PLA1A: variants seen among roughly 807,000 people sequenced by gnomAD.
The protein encoded by PLA1A is phospholipase A1 member A, also known as phosphatidylserine-specific phospholipase A1alpha.
PLA1A carries 47 observed loss-of-function variants against 49.4 expected under a neutral mutation model. The ratio of observed to expected loss-of-function variants is 0.95; its 90% CI spans 0.75 to 1.21. The LOEUF is 1.21. Ranked by LOEUF, PLA1A falls within the 50% of genes most tolerant of loss-of-function variation. The pLI is 0.00. For synonymous variants in PLA1A, 224 were observed against 207.9 expected (o/e 1.08, Z -0.67); for missense variants, 561 against 563.9 (o/e 0.99, Z 0.05).
intron 1 of PLA1A, among the ~76,000 whole-genome samples, chr3:119,602,022 G>T (rs1032694850): frequency 6.6e-6 from 1 of 152,046 alleles, no homozygotes; most frequent in Non-Finnish European, 1.5e-5. Context: ...AAACCTTGCT[G>T]GGCCATGATG....
chr3:119,617,100 C>T (rs2107792142), intron 6 of PLA1A, among the ~76,000 whole-genome samples: 1 of 152,320 alleles, frequency 6.6e-6, no homozygotes, highest in East Asian at 1.9e-4. Context: ...ATACAGCTCA[C>T]CACATACTTC....
At chr3:119,598,254 G>A (rs2082568178) in intron 1 of PLA1A, among the ~76,000 whole-genome samples, 1 of 152,000 alleles carries the variant, frequency 6.6e-6, no homozygotes, top group South Asian at 2.1e-4. Context: ...CACAAGCCAG[G>A]ACCAACTGTA....
rs1281950746 is a variant in PLA1A, at chr3:119,618,232, C to A, written c.922+46C>A. 4 of 1,492,856 alleles carry A rather than the reference C, an allele frequency of 2.7e-6. No individual in the cohort carries two copies. In the East Asian group the frequency reaches 9.3e-5, roughly 35 times the overall value. The allele number at this position is 1,492,856 out of a possible 1,614,324, so 92.5% of individuals were successfully genotyped here. A position where few individuals can be genotyped will look rare whatever the true frequency, so the allele number is the denominator to read the frequency against. ...CTTCCTTTGACAATGTGGGGAAGTT[C>A]AAGCCCTGCTAGTTGTCCCCTCTTA... On this transcript the variant is annotated intron_variant, in intron 7 of 10. Transcript: ENST00000273371.
chr3:119,607,424 T>C (rs2082704211), intron 2 of PLA1A, among the ~76,000 whole-genome samples: 1 of 152,244 alleles, frequency 6.6e-6, no homozygotes, highest in Admixed American at 6.5e-5. Context: ...TTTGTTGTAA[T>C]ATATAGTCAC....
intron 4 of PLA1A, among the ~76,000 whole-genome samples, chr3:119,611,100 C>T (rs1030794065): frequency 6.6e-6 from 1 of 152,118 alleles, no homozygotes; most frequent in African/African-American, 2.4e-5. Context: ...TAATTTTTGT[C>T]AACTTTGTCA....
chr3:119,607,059 G>A (rs1161665193), intron 2 of PLA1A, 84 bp downstream of exon 2: 3 of 1,136,136 alleles, frequency 2.6e-6, no homozygotes, highest in Non-Finnish European at 4.0e-6. Flanking sequence ...GGGCAACAAG[G>A]GGAGGAATGA....
intron 8 of PLA1A, among the ~76,000 whole-genome samples, chr3:119,620,521 G>C (rs1289676290): frequency 6.6e-6 from 1 of 152,166 alleles, no homozygotes; most frequent in Admixed American, 6.6e-5. Context: ...CCAGCTGTGT[G>C]ATCAGGAACA....
At chr3:119,628,933 G>A in intron 10 of PLA1A, 68 bp downstream of exon 10, 1 of 1,254,686 alleles carries the variant, frequency 8.0e-7, no homozygotes. Context: ...GGCATTAGAT[G>A]TGCTGCCTAT....
At chr3:119,622,761 T>G (rs2082961803) in intron 8 of PLA1A, among the ~76,000 whole-genome samples, 1 of 141,094 alleles carries the variant, frequency 7.1e-6, no homozygotes, top group African/African-American at 2.6e-5. Context: ...TGCCACCAGG[T>G]TGCACCTACC....
chr3:119,613,212 C>T, intron 5 of PLA1A, 94 bp downstream of exon 5: 1 of 757,552 alleles, frequency 1.3e-6, no homozygotes. Context: ...GCAGAGATGC[C>T]CTGACCCTCT....
intron 1 of PLA1A, among the ~76,000 whole-genome samples, chr3:119,605,275 CTG>C (rs1267019927): frequency 6.6e-6 from 1 of 152,226 alleles, no homozygotes; most frequent in African/African-American, 2.4e-5. Flanking sequence ...TGGTCTGCCT[CTG>C]CAAGGGGATT....
chr3:119,613,801 G>A (rs974098918), intron 5 of PLA1A, among the ~76,000 whole-genome samples: 7 of 152,108 alleles, frequency 4.6e-5, no homozygotes, highest in Non-Finnish European at 8.8e-5. Context: ...GCTGAGGCAA[G>A]AGAATGGCGT....
At chr3:119,621,277 C>G (rs181562600) in intron 8 of PLA1A, among the ~76,000 whole-genome samples, 1 of 152,328 alleles carries the variant, frequency 6.6e-6, no homozygotes, top group Non-Finnish European at 1.5e-5. Context: ...TTTTCTGACT[C>G]TTTTGTATTT....
rs575541417 is a variant in PLA1A, at chr3:119,629,666, G to A, written c.*198G>A. 1.5e-3 allele frequency: 881 copies of A among 574,062 alleles called. 1 individual carries two copies. The highest frequency in any genetic ancestry group is 2.2e-3 in the Non-Finnish European group (696 of 323,048). 35.6% of individuals were successfully genotyped at this position (574,062 alleles called of 1,614,324 possible). A position where few individuals can be genotyped will look rare whatever the true frequency, so the allele number is the denominator to read the frequency against. On this transcript the variant is annotated 3_prime_UTR_variant, in exon 11 of 11. Transcript: ENST00000273371. ...TTTACAGAACTTGGTTTCCTTTGCC[G>A]ATCTTATGTACATACCCATTTTAGC...
At chr3:119,599,730 G>A (rs890763274) in intron 1 of PLA1A, among the ~76,000 whole-genome samples, 4 of 152,110 alleles carry the variant, frequency 2.6e-5, no homozygotes, top group African/African-American at 9.7e-5. Context: ...TGTTAGCAGG[G>A]CCTGGGTATT....
At chr3:119,606,092 T>C (rs1432783235) in intron 1 of PLA1A, among the ~76,000 whole-genome samples, 1 of 152,240 alleles carries the variant, frequency 6.6e-6, no homozygotes, top group Non-Finnish European at 1.5e-5. Flanking sequence ...GGGTTCTATT[T>C]AGAATTCTCT....
chr3:119,624,579 A>G (rs2082989914), intron 8 of PLA1A, among the ~76,000 whole-genome samples: 1 of 152,202 alleles, frequency 6.6e-6, no homozygotes, highest in South Asian at 2.1e-4. Context: ...AGGCACAGGC[A>G]CTGTCCTGAG....
chr3:119,627,196 C>G (rs929621370), intron 9 of PLA1A, among the ~76,000 whole-genome samples: 2 of 152,118 alleles, frequency 1.3e-5, no homozygotes, highest in African/African-American at 4.8e-5. Context: ...GAAGAAGGCA[C>G]CAGAACATGA....
chr3:119,613,049 G>T lies in PLA1A; in HGVS notation c.595G>T (p.Ala199Ser). The T allele has an allele frequency of 6.2e-7, 1 of 1,606,906 alleles. No individual in the cohort carries two copies. The change falls in exon 5 of 11, where the codon GCC (alanine) becomes TCC (serine). Residue 199 changes from alanine (A) to serine (S), a missense_variant. Coordinates refer to ENST00000273371, the MANE Select transcript of PLA1A (RefSeq NM_015900.4). ...LDPAGPEYTR[A>S]SVEERLDAGD... ...CCCCGCTGGACCTGAGTACACCAGG[G>T]CCAGTGTGGAAGAGCGCTTGGATGC...
Sources: gnomAD v4.1 joint callset for allele counts (sites outside exome capture counted in the v4.1 genomes callset) on GRCh38, gnomAD v4.1.1 for gene constraint, MANE v1.5 for transcripts, NCBI Gene and HGNC (gene_info 2026-07-23, HGNC 2026-07-21) for gene names.